ENTREP2: variants seen among roughly 807,000 people sequenced by gnomAD.
ENTREP2 encodes endosomal transmembrane epsin interactor 2.
chr15:29,304,371 A>C, the ENTREP2 span, among the ~76,000 whole-genome samples: 1 of 152,242 alleles, frequency 6.6e-6, no homozygotes, highest in Non-Finnish European at 1.5e-5. Context: ...ACATACTCTA[A>C]AACTGACCAC....
chr15:29,371,054 T>C, the ENTREP2 span, among the ~76,000 whole-genome samples: 1 of 151,086 alleles, frequency 6.6e-6, no homozygotes, highest in Non-Finnish European at 1.5e-5. Flanking sequence ...TCATCATCTG[T>C]CATCATCATC....
chr15:29,617,284 A>G, the ENTREP2 span, among the ~76,000 whole-genome samples: 2 of 152,106 alleles, frequency 1.3e-5, no homozygotes, highest in Non-Finnish European at 2.9e-5. Flanking sequence ...CACACGTCCA[A>G]GGGCTGGAGA....
At chr15:29,663,804 T>A in the ENTREP2 span, among the ~76,000 whole-genome samples, 4 of 152,112 alleles carry the variant, frequency 2.6e-5, no homozygotes, top group Non-Finnish European at 5.9e-5. Context: ...ATGGCACATG[T>A]ATACATATGT....
the ENTREP2 span, among the ~76,000 whole-genome samples, chr15:29,403,066 C>G: frequency 0.098 from 14,965 of 152,138 alleles, 960 homozygotes; most frequent in East Asian, 0.31. Context: ...TGAGAGGCAG[C>G]AAACCAGAAT....
At chr15:29,220,191 G>A in the ENTREP2 span, among the ~76,000 whole-genome samples, 3 of 152,204 alleles carry the variant, frequency 2.0e-5, no homozygotes, top group Non-Finnish European at 4.4e-5. Flanking sequence ...AGGGGTCTGC[G>A]TGGGCTGGCT....
chr15:29,442,462 G>A, the ENTREP2 span, among the ~76,000 whole-genome samples: 1 of 152,214 alleles, frequency 6.6e-6, no homozygotes, highest in Non-Finnish European at 1.5e-5. Context: ...TATTCTTGGA[G>A]AAATCACGTT....
the ENTREP2 span, among the ~76,000 whole-genome samples, chr15:29,140,547 A>G: frequency 6.6e-6 from 1 of 152,018 alleles, no homozygotes; most frequent in Non-Finnish European, 1.5e-5. Context: ...CAGCGCCCCC[A>G]AACTCCCCGC....
chr15:29,267,940 T>C, the ENTREP2 span: 1 of 152,194 alleles, frequency 6.6e-6, no homozygotes, highest in Non-Finnish European at 1.5e-5. Context: ...CAAACAGGCA[T>C]GGTTAATGGT....
At chr15:29,516,809 G>T in the ENTREP2 span, among the ~76,000 whole-genome samples, 1 of 152,046 alleles carries the variant, frequency 6.6e-6, no homozygotes, top group Non-Finnish European at 1.5e-5. Flanking sequence ...TGGATCTCCA[G>T]GCAGGAAGAG....
At chr15:29,604,422 G>A in the ENTREP2 span, among the ~76,000 whole-genome samples, 350 of 152,216 alleles carry the variant, frequency 2.3e-3, 3 homozygotes, top group African/African-American at 7.9e-3. Context: ...GAATTTGTAT[G>A]ACAATAATTT....
chr15:29,587,678 G>A, the ENTREP2 span, among the ~76,000 whole-genome samples: 1 of 151,780 alleles, frequency 6.6e-6, no homozygotes, highest in Non-Finnish European at 1.5e-5. Context: ...TTTATTTTTT[G>A]AGAGACAGTC....
chr15:29,128,208 G>T, the ENTREP2 span, among the ~76,000 whole-genome samples: 1 of 152,188 alleles, frequency 6.6e-6, no homozygotes, highest in Non-Finnish European at 1.5e-5. Flanking sequence ...TGGCCTCCGT[G>T]CCCTTTCTCC....
the ENTREP2 span, among the ~76,000 whole-genome samples, chr15:29,237,549 G>A: frequency 0.02 from 3,014 of 152,238 alleles, 103 homozygotes; most frequent in African/African-American, 0.068. Context: ...TGATTGATGA[G>A]CACATGAAAA....
chr15:29,365,902 C>T, the ENTREP2 span, among the ~76,000 whole-genome samples: 1 of 152,052 alleles, frequency 6.6e-6, no homozygotes, highest in Non-Finnish European at 1.5e-5. Flanking sequence ...CCCAGCAACC[C>T]CCCGAATCAA....
the ENTREP2 span, among the ~76,000 whole-genome samples, chr15:29,286,981 T>G: frequency 6.6e-6 from 1 of 152,182 alleles, no homozygotes; most frequent in Non-Finnish European, 1.5e-5. Context: ...GGATTCTCCC[T>G]GACCTGCAGA....
the ENTREP2 span, among the ~76,000 whole-genome samples, chr15:29,167,679 A>G: frequency 6.6e-6 from 1 of 152,210 alleles, no homozygotes; most frequent in African/African-American, 2.4e-5. Flanking sequence ...AGATGTTGAC[A>G]TGGATGTGGT....
the ENTREP2 span, among the ~76,000 whole-genome samples, chr15:29,346,632 A>ACAGAATGG: frequency 6.6e-6 from 1 of 152,236 alleles, no homozygotes; most frequent in African/African-American, 2.4e-5. Context: ...GAGTACTTTC[A>ACAGAATGG]TTTAGCTTTA....
At chr15:29,568,918 C>T in the ENTREP2 span, among the ~76,000 whole-genome samples, 1 of 152,198 alleles carries the variant, frequency 6.6e-6, no homozygotes, top group South Asian at 2.1e-4. Flanking sequence ...AAAGGCAGTT[C>T]TCTCTCCACA....
the ENTREP2 span, among the ~76,000 whole-genome samples, chr15:29,476,759 A>G: frequency 6.6e-6 from 1 of 152,218 alleles, no homozygotes; most frequent in Admixed American, 6.5e-5. Context: ...TACCAAAGTG[A>G]GGGCGGAGAA....
Sources: allele counts gnomAD v4.1 joint callset (sites outside exome capture counted in the v4.1 genomes callset), GRCh38; gene constraint gnomAD v4.1.1; transcripts MANE v1.5; gene names NCBI Gene and HGNC (gene_info 2026-07-23, HGNC 2026-07-21).